SPPL3: variants seen among roughly 807,000 people sequenced by gnomAD.
SPPL3 encodes signal peptide peptidase like 3, also known as signal peptide peptidase-like 3.
In SPPL3, 5 loss-of-function variants were observed where a neutral mutation model predicts 42.4. The ratio of observed to expected loss-of-function variants is 0.12; its 90% CI spans 0.06 to 0.25. The LOEUF (loss-of-function observed/expected upper bound fraction) is 0.25. SPPL3 is among the 10% of genes least tolerant of loss of function. The pLI is 1.00. For missense variants in SPPL3, 235 were observed against 489.0 expected, an observed-to-expected ratio of 0.48 and a Z score of 4.90; for synonymous variants, 195 against 181.8, an observed-to-expected ratio of 1.07 and a Z score of -0.58.
At chr12:120,824,370 G>A (rs1871175337) in intron 1 of SPPL3, among the ~76,000 whole-genome samples, 1 of 151,970 alleles carries the variant, frequency 6.6e-6, no homozygotes, top group South Asian at 2.1e-4. Flanking sequence ...AGACAAAAAA[G>A]TGTTAGTGAT....
Position 120,768,395 on chromosome 12 carries a change from G to A in SPPL3, c.703C>T (p.Leu235Phe). Residue 235 changes from leucine (L) to phenylalanine (F), a missense_variant, in exon 8 of 11, where the codon CTC becomes TTC. Physicochemically the swap from Leu to Phe is conservative, Grantham distance 22 (BLOSUM62 0). Coordinates refer to ENST00000353487, the MANE Select transcript of SPPL3 (RefSeq NM_139015.5). ...DNPLDVLSRK[L>F]HLGPNVGRDV... ...CGCCCAACATTGGGCCCCAGGTGGA[G>A]CTTCCGGGATAGAACGTCAAGGGGA... 6.2e-7 allele frequency: 1 copy of A among 1,614,206 alleles called. No individual in the cohort carries two copies. Among genetic ancestry groups the A allele is most frequent in the South Asian group, 1.1e-5 (1 of 91,082 alleles).
At chr12:120,846,213 C>T (rs908380089) in intron 1 of SPPL3, among the ~76,000 whole-genome samples, 3 of 152,136 alleles carry the variant, frequency 2.0e-5, no homozygotes, top group African/African-American at 4.8e-5. Flanking sequence ...CTGGCACATA[C>T]ATAACAAGAG....
At chr12:120,812,151 T>C (rs1159645156) in intron 1 of SPPL3, among the ~76,000 whole-genome samples, 1 of 152,004 alleles carries the variant, frequency 6.6e-6, no homozygotes, top group Non-Finnish European at 1.5e-5. Flanking sequence ...TTTTTTTTTT[T>C]TGAGACAGAG....
chr12:120,861,733 T>A (rs926809087), intron 1 of SPPL3, among the ~76,000 whole-genome samples: 1 of 152,168 alleles, frequency 6.6e-6, no homozygotes, highest in African/African-American at 2.4e-5. Flanking sequence ...TTGTAACATA[T>A]AAAAACCAAT....
intron 1 of SPPL3, among the ~76,000 whole-genome samples, chr12:120,881,966 C>A (rs553382992): frequency 2.0e-5 from 3 of 152,072 alleles, no homozygotes; most frequent in East Asian, 1.9e-4. Flanking sequence ...TTAAACTTAT[C>A]TATGGTTTCA....
chr12:120,890,959 G>A (rs7298639), intron 1 of SPPL3, among the ~76,000 whole-genome samples: 29,477 of 151,990 alleles, frequency 0.19, 4,502 homozygotes, highest in African/African-American at 0.41. Flanking sequence ...TATCAACTTG[G>A]TAAATCTAAC....
At chr12:120,774,599 CT>C (rs1869246331) in intron 6 of SPPL3, among the ~76,000 whole-genome samples, 1 of 152,098 alleles carries the variant, frequency 6.6e-6, no homozygotes, top group Non-Finnish European at 1.5e-5. Context: ...AGAAGGCATC[CT>C]TTTGACTGTC....
At chr12:120,803,924 T>G (rs1279310730) in intron 2 of SPPL3, among the ~76,000 whole-genome samples, 1 of 152,164 alleles carries the variant, frequency 6.6e-6, no homozygotes. Context: ...TAGAACATCA[T>G]GACAATTGTG....
chr12:120,796,085 C>T (rs1294998341), intron 2 of SPPL3, among the ~76,000 whole-genome samples: 1 of 152,140 alleles, frequency 6.6e-6, no homozygotes, highest in African/African-American at 2.4e-5. Flanking sequence ...TCTTTATAAT[C>T]TCCATGTTGG....
chr12:120,765,092 A>AAGTT (rs1395164695), intron 10 of SPPL3, 22 bp from the exon 11 acceptor site: 1 of 1,612,326 alleles, frequency 6.2e-7, no homozygotes, highest in South Asian at 1.1e-5. Flanking sequence ...GGGACTTTCT[A>AAGTT]AGTTACAGAT....
At position 120,769,009 on chromosome 12, in the gene SPPL3, T is replaced by A; in HGVS notation, c.553A>T (p.Ser185Cys). The change falls in exon 7 of 11, where the codon AGC (serine) becomes TGC (cysteine). Residue 185 changes from serine to cysteine, a missense_variant. Ser to Cys is a moderately radical substitution (Grantham distance 112). This residue lies in a region of SPPL3 where 18 missense variants were observed against 86.9 expected (regional missense o/e 0.21). Transcript: ENST00000353487. Reference sequence around the variant, plus strand: ...AGAAGCAGGCAGGAGACCTTGAGGCTCGGCAGGCGGACAAAGGCGATCATG... The same window carrying A: ...AGAAGCAGGCAGGAGACCTTGAGGCACGGCAGGCGGACAAAGGCGATCATG... ...VAMIAFVRLP[S>C]LKVSCLLLSG... is the part of the protein sequence containing the mutation. 2 of 1,610,422 alleles carry A rather than the reference T, an allele frequency of 1.2e-6. No individual in the cohort carries two copies. The highest frequency in any genetic ancestry group is 1.7e-6 in the Non-Finnish European group (2 of 1,178,906).
At chr12:120,790,690 G>A (rs1869886472) in intron 3 of SPPL3, among the ~76,000 whole-genome samples, 1 of 152,128 alleles carries the variant, frequency 6.6e-6, no homozygotes, top group Non-Finnish European at 1.5e-5. Context: ...ATATCAAAAT[G>A]ATTTCATCTG....
intron 1 of SPPL3, among the ~76,000 whole-genome samples, chr12:120,863,129 C>A (rs1347248428): frequency 1.3e-5 from 2 of 152,140 alleles, no homozygotes; most frequent in Non-Finnish European, 1.5e-5. Context: ...GGGTGGATCA[C>A]CTGAGGTCAG....
At chr12:120,791,365 C>T (rs2136985867) in intron 3 of SPPL3, 104 bp downstream of exon 3, 2 of 693,974 alleles carry the variant, frequency 2.9e-6, no homozygotes, top group Non-Finnish European at 4.7e-6. Context: ...TTTTTTATAC[C>T]AATCATAAAT....
At chr12:120,766,415 C>T (rs756516138) in intron 9 of SPPL3, 43 bp from the exon 10 acceptor site, 19 of 1,496,058 alleles carry the variant, frequency 1.3e-5, no homozygotes, top group Admixed American at 8.3e-5. Flanking sequence ...AGAGGGAACC[C>T]GTGTCACCTG....
At chr12:120,869,319 C>G (rs1360457659) in intron 1 of SPPL3, among the ~76,000 whole-genome samples, 1 of 152,206 alleles carries the variant, frequency 6.6e-6, no homozygotes, top group African/African-American at 2.4e-5. Flanking sequence ...ACATTACTCA[C>G]TCCTTGATTT....
At chr12:120,850,507 A>C (rs928477686) in intron 1 of SPPL3, among the ~76,000 whole-genome samples, 21 of 150,764 alleles carry the variant, frequency 1.4e-4, no homozygotes, top group African/African-American at 4.7e-4. Context: ...AAAAAAAAAA[A>C]AAAAAACAAA....
intron 2 of SPPL3, among the ~76,000 whole-genome samples, chr12:120,804,985 T>C (rs530174705): frequency 2.6e-5 from 4 of 152,148 alleles, no homozygotes; most frequent in Non-Finnish European, 5.9e-5. Context: ...AAAGGTCACA[T>C]ACTGTATGAC....
intron 1 of SPPL3, among the ~76,000 whole-genome samples, chr12:120,829,920 C>T (rs182648885): frequency 1.2e-4 from 17 of 147,604 alleles, no homozygotes; most frequent in African/African-American, 3.0e-4. Flanking sequence ...CTTGAATGCG[C>T]GAGATAGAGG....
Sources: gnomAD v4.1 joint callset for allele counts (sites outside exome capture counted in the v4.1 genomes callset) on GRCh38, gnomAD v4.1.1 for gene constraint, gnomAD v4.1.1 regional missense constraint, MANE v1.5 for transcripts, NCBI Gene and HGNC (gene_info 2026-07-23, HGNC 2026-07-21) for gene names.